The following B3GALT1 variants were observed in gnomAD, a reference collection of about 807,000 sequenced individuals.
The protein encoded by B3GALT1 is UDP-Gal:betaGlcNAc beta 1,3-galactosyltransferase, polypeptide 1.
Under a neutral mutation model 23.2 loss-of-function variants are expected in B3GALT1, and 10 were observed. That is an observed-to-expected ratio of 0.43 (90% confidence interval 0.27 to 0.73). The LOEUF is 0.73. B3GALT1 is among the 30% of genes least tolerant of loss of function. The probability of loss-of-function intolerance (pLI) is 0.21; values close to 1 mark genes in which losing one functional copy is unlikely to be tolerated. For missense variants in B3GALT1, 299 were observed against 405.4 expected, an observed-to-expected ratio of 0.74 and a Z score of 2.25; for synonymous variants, 156 against 141.5, an observed-to-expected ratio of 1.10 and a Z score of -0.73.
At chr2:167,330,892 A>G (rs969887203) in intron 1 of B3GALT1, among the ~76,000 whole-genome samples, 9 of 149,878 alleles carry the variant, frequency 6.0e-5, no homozygotes, top group African/African-American at 2.2e-4. Context: ...GAATGTATCA[A>G]TTTGCCTTGC....
At chr2:167,648,896 A>G (rs6758973) in intron 3 of B3GALT1, among the ~76,000 whole-genome samples, 6,359 of 151,946 alleles carry the variant, frequency 0.042, 464 homozygotes, top group African/African-American at 0.15. Context: ...CCATTAACCC[A>G]CTTCCATGCC....
At chr2:167,834,948 C>T (rs1035686160) in intron 4 of B3GALT1, among the ~76,000 whole-genome samples, 13 of 152,154 alleles carry the variant, frequency 8.5e-5, no homozygotes, top group African/African-American at 3.1e-4. Flanking sequence ...GAAACTCTGC[C>T]TCTGTCTTAC....
chr2:167,653,356 A>G (rs1039116647), intron 3 of B3GALT1, among the ~76,000 whole-genome samples: 1 of 152,164 alleles, frequency 6.6e-6, no homozygotes, highest in Non-Finnish European at 1.5e-5. Flanking sequence ...TCGGACTTAT[A>G]TATAGCAGTT....
chr2:167,384,255 C>T (rs929134643), intron 1 of B3GALT1, among the ~76,000 whole-genome samples: 1 of 152,128 alleles, frequency 6.6e-6, no homozygotes, highest in Non-Finnish European at 1.5e-5. Flanking sequence ...ATTATCTTTT[C>T]TGGATCCTTA....
chr2:167,732,508 A>T (rs529671769), intron 3 of B3GALT1, among the ~76,000 whole-genome samples: 9 of 152,334 alleles, frequency 5.9e-5, no homozygotes, highest in African/African-American at 2.2e-4. Context: ...ACTGGCACAG[A>T]TTTAACTTCA....
chr2:167,620,483 T>G (rs1558926959), intron 2 of B3GALT1, among the ~76,000 whole-genome samples: 1 of 152,152 alleles, frequency 6.6e-6, no homozygotes, highest in Non-Finnish European at 1.5e-5. Flanking sequence ...AGAGGCATCA[T>G]GGGATTGAAA....
intron 3 of B3GALT1, among the ~76,000 whole-genome samples, chr2:167,802,785 G>T (rs1253791127): frequency 6.6e-6 from 1 of 152,090 alleles, no homozygotes; most frequent in African/African-American, 2.4e-5. Context: ...ATCCAAGAAG[G>T]ACAGCTCTTT....
chr2:167,845,689 T>A (rs1215907759), intron 4 of B3GALT1, among the ~76,000 whole-genome samples: 4 of 151,772 alleles, frequency 2.6e-5, no homozygotes, highest in African/African-American at 9.7e-5. Flanking sequence ...AAAACAAGGC[T>A]CTTTAACACC....
chr2:167,373,095 A>G (rs376918781), intron 1 of B3GALT1, among the ~76,000 whole-genome samples: 1 of 152,132 alleles, frequency 6.6e-6, no homozygotes, highest in African/African-American at 2.4e-5. Flanking sequence ...ATTTTTACAT[A>G]AGGTTCTAAG....
At chr2:167,623,161 A>C (rs1191241518) in intron 2 of B3GALT1, among the ~76,000 whole-genome samples, 1 of 152,084 alleles carries the variant, frequency 6.6e-6, no homozygotes, top group Non-Finnish European at 1.5e-5. Context: ...ACACTTTTAC[A>C]CTGTTGGTGG....
At chr2:167,312,834 T>G (rs1041330714) in intron 1 of B3GALT1, among the ~76,000 whole-genome samples, 7 of 152,124 alleles carry the variant, frequency 4.6e-5, no homozygotes, top group Admixed American at 2.0e-4. Context: ...CATGGCTAGT[T>G]GTACCACCAT....
At chr2:167,685,601 G>T (rs1558948619) in intron 3 of B3GALT1, among the ~76,000 whole-genome samples, 1 of 152,132 alleles carries the variant, frequency 6.6e-6, no homozygotes, top group Non-Finnish European at 1.5e-5. Flanking sequence ...ATATTTAAAG[G>T]ATGGAAACAG....
chr2:167,328,456 A>G (rs773836494), intron 1 of B3GALT1, among the ~76,000 whole-genome samples: 17 of 152,154 alleles, frequency 1.1e-4, no homozygotes, highest in Non-Finnish European at 2.2e-4. Flanking sequence ...TTGTATGTTT[A>G]TAGGAATTTA....
At chr2:167,657,570 G>GA (rs1685976994) in intron 3 of B3GALT1, among the ~76,000 whole-genome samples, 1 of 152,052 alleles carries the variant, frequency 6.6e-6, no homozygotes, top group African/African-American at 2.4e-5. Flanking sequence ...TTTCTACTGT[G>GA]AAATATATGA....
intron 2 of B3GALT1, among the ~76,000 whole-genome samples, chr2:167,589,030 C>T (rs1263954401): frequency 1.3e-5 from 2 of 152,004 alleles, no homozygotes; most frequent in Non-Finnish European, 2.9e-5. Context: ...GCAGCCTCAA[C>T]TCCTAGGCCC....
chr2:167,418,685 T>C (rs1698503508), intron 1 of B3GALT1, among the ~76,000 whole-genome samples: 2 of 152,030 alleles, frequency 1.3e-5, no homozygotes, highest in South Asian at 4.2e-4. Context: ...CCTCTTTTTT[T>C]TTTTTTTTTG....
rs143744265 is a variant in B3GALT1, at chr2:167,526,186, A to AAC, written c.-410+35927_-410+35928dup. On this transcript the variant is annotated intron_variant, in intron 2 of 4. Transcript: ENST00000392690. The stretch of plus-strand genomic sequence containing the variant: ...GCCATGTTAGTGCACAGAGTTAGGT[A>AAC]ACACACACACACACACACATATATG... 3.0e-3 allele frequency among the ~76,000 whole-genome samples: 454 copies of AAC among 150,334 alleles called. 2 individuals carry two copies. The highest frequency in any genetic ancestry group is 9.7e-3 in the East Asian group (50 of 5,134).
chr2:167,740,020 G>C (rs894617484), intron 3 of B3GALT1, among the ~76,000 whole-genome samples: 20 of 151,230 alleles, frequency 1.3e-4, no homozygotes, highest in African/African-American at 2.7e-4. Flanking sequence ...GATCACTTGA[G>C]CCCAGGAGTT....
chr2:167,805,440 G>C (rs949240036), intron 3 of B3GALT1, among the ~76,000 whole-genome samples: 2 of 152,072 alleles, frequency 1.3e-5, no homozygotes, highest in East Asian at 1.9e-4. Context: ...ATGTTTTCTT[G>C]TAGGGTTTTT....
Sources: allele counts gnomAD v4.1 joint callset (sites outside exome capture counted in the v4.1 genomes callset), GRCh38; gene constraint gnomAD v4.1.1; transcripts MANE v1.5; gene names NCBI Gene and HGNC (gene_info 2026-07-23, HGNC 2026-07-21).